Variants in TOP3A observed in about 807,000 individuals in gnomAD.
The protein encoded by TOP3A is DNA topoisomerase III alpha.
TOP3A carries 64 observed loss-of-function variants against 111.3 expected under a neutral mutation model. That is an observed-to-expected ratio of 0.57 (90% CI 0.47 to 0.71). The LOEUF (loss-of-function observed/expected upper bound fraction) is 0.71, where lower values mean the gene tolerates loss of function less well. Among genes scored for constraint, TOP3A ranks in the 30% least tolerant of loss-of-function variants. TOP3A has a pLI of 0.00. For synonymous variants in TOP3A, 484 were observed against 485.1 expected, an observed-to-expected ratio of 1.00 and a Z score of 0.03; for missense variants, 1,104 against 1,285.0, an observed-to-expected ratio of 0.86 and a Z score of 2.15.
chr17:18,294,315 ATTTC>A (rs1022973041), intron 10 of TOP3A, among the ~76,000 whole-genome samples: 1 of 151,784 alleles, frequency 6.6e-6, no homozygotes, highest in Non-Finnish European at 1.5e-5. Flanking sequence ...ATAAACTCTT[ATTTC>A]TTTATTTCTT....
chr17:18,282,793 G>C lies in TOP3A; in HGVS notation c.1926C>G (p.Ala642=), dbSNP rs760029820. 186 of 1,614,018 alleles carry C rather than the reference G, an allele frequency of 1.2e-4. No homozygotes were observed. Among genetic ancestry groups the C allele is most frequent in the Non-Finnish European group, 1.6e-4 (183 of 1,180,046 alleles). The part of the protein sequence containing the change: ...AQYFGNGTEL[A]QQEDIYPAMP... ...TGGCTGGGTAGATATCTTCTTGCTG[G>C]GCCAACTCTGTCCCATTCCCAAAGT... Residue 642 remains alanine, a synonymous_variant, in exon 16 of 19, where the codon GCC becomes GCG. Transcript: ENST00000321105.
intron 6 of TOP3A, 35 bp from the exon 7 acceptor site, chr17:18,302,469 T>C: frequency 6.3e-7 from 1 of 1,595,826 alleles, no homozygotes; most frequent in South Asian, 1.1e-5. Flanking sequence ...AAGGTGAAAA[T>C]GATGGATAAT....
chr17:18,307,061 A>C, intron 3 of TOP3A, 95 bp from the exon 4 acceptor site: 1 of 839,136 alleles, frequency 1.2e-6, no homozygotes, highest in Non-Finnish European at 1.9e-6. Context: ...TTCATGGTGT[A>C]TCCCCAAAAG....
At chr17:18,297,158 G>A (rs1188484543) in intron 9 of TOP3A, among the ~76,000 whole-genome samples, 2 of 152,326 alleles carry the variant, frequency 1.3e-5, no homozygotes, top group East Asian at 1.9e-4. Context: ...AGGCGCGGTG[G>A]CTCACGCCTC....
At chr17:18,305,949 C>T (rs532006685) in intron 4 of TOP3A, among the ~76,000 whole-genome samples, 26 of 150,700 alleles carry the variant, frequency 1.7e-4, no homozygotes, top group African/African-American at 5.8e-4. Flanking sequence ...CACCTGTAAT[C>T]CCAAAACTTT....
Position 18,278,199 on chromosome 17 carries a change from G to A in TOP3A, c.2303C>T (p.Ala768Val). The A allele has an allele frequency of 6.2e-7, 1 of 1,606,386 alleles. No individual in the cohort carries two copies. The highest frequency in any genetic ancestry group is 1.1e-5 in the South Asian group (1 of 90,872). Reference sequence around the variant, plus strand: ...GTCCATCCTGTTCAGGGACTGGTTAGCCTGCAGGCGGCCAGAGGGCTGGCT... The same window carrying A: ...GTCCATCCTGTTCAGGGACTGGTTAACCTGCAGGCGGCCAGAGGGCTGGCT... ...RASQPSGRLQANQSLNRMDNS... is the reference protein window; with the variant it reads ...RASQPSGRLQVNQSLNRMDNS... The change falls in exon 18 of 19, where the codon GCT becomes GTT. Residue 768 changes from alanine to valine, a missense_variant. By Grantham distance (64) the Ala-to-Val change is moderately conservative (BLOSUM62 0). Coordinates refer to ENST00000321105, the MANE Select transcript of TOP3A (RefSeq NM_004618.5).
chr17:18,295,765 T>G (rs1980760760), intron 9 of TOP3A, among the ~76,000 whole-genome samples: 1 of 144,856 alleles, frequency 6.9e-6, no homozygotes, highest in South Asian at 2.2e-4. Flanking sequence ...GGCCCAGAAA[T>G]CTACATTTTT....
At chr17:18,307,000 G>A (rs1981619890) in intron 3 of TOP3A, 34 bp from the exon 4 acceptor site, 2 of 1,495,694 alleles carry the variant, frequency 1.3e-6, no homozygotes, top group South Asian at 2.3e-5. Context: ...TCCCAACTCA[G>A]TACATGACAG....
rs140640422 is a variant in TOP3A at position 18,278,366 on chromosome 17, G to A, written c.2145-9C>T. On this transcript the variant is annotated splice_polypyrimidine_tract_variant and intron_variant, in intron 17 of 18. Coordinates refer to ENST00000321105, the MANE Select transcript of TOP3A (RefSeq NM_004618.5). ...TAAACTTTAACTTTAACCTAGTGAG[G>A]CCAGAAGATGAGAAAAAACATTAAC... is the stretch of plus-strand genomic sequence containing the variant. 9.9e-5 allele frequency: 149 copies of A among 1,507,918 alleles called. 1 individual carries two copies. The East Asian group carries it at 3.4e-3, about 34-fold the overall frequency. 93.4% of individuals were successfully genotyped at this position (1,507,918 alleles called of 1,614,324 possible).
intron 13 of TOP3A, among the ~76,000 whole-genome samples, chr17:18,289,078 T>C (rs1980304624): frequency 6.6e-6 from 1 of 152,216 alleles, no homozygotes; most frequent in Non-Finnish European, 1.5e-5. Flanking sequence ...AGTGCTGCGA[T>C]CCTGGCTCAC....
At position 18,275,644 on chromosome 17, in the gene TOP3A, G is replaced by A. The variant is rs566075178; in HGVS notation, c.2828-664C>T. On this transcript the variant is annotated intron_variant, in intron 18 of 18. Coordinates refer to ENST00000321105, the MANE Select transcript of TOP3A (RefSeq NM_004618.5). Reference sequence around the variant, plus strand: ...CCCGAAGTGCTGGGATTACAGGCGTGAGCCACCGTGCCCGGCCTTTTTTTT... The same window carrying A: ...CCCGAAGTGCTGGGATTACAGGCGTAAGCCACCGTGCCCGGCCTTTTTTTT... Among the ~76,000 whole-genome samples the A allele has an allele frequency of 8.0e-5, 12 of 150,040 alleles. No individual in the cohort carries two copies. The East Asian group carries it at 1.6e-3, about 20-fold the overall frequency.
chr17:18,310,352 G>C (rs539817963), intron 1 of TOP3A, among the ~76,000 whole-genome samples: 1 of 152,138 alleles, frequency 6.6e-6, no homozygotes, highest in Non-Finnish European at 1.5e-5. Flanking sequence ...CTTGAACCTG[G>C]GAGGCGGTGG....
chr17:18,283,321 A>G (rs1260063409), intron 15 of TOP3A, among the ~76,000 whole-genome samples: 1 of 151,926 alleles, frequency 6.6e-6, no homozygotes, highest in Non-Finnish European at 1.5e-5. Flanking sequence ...GTGAGCCAAG[A>G]TCACGCCATT....
Position 18,274,248 on chromosome 17 carries a change from T to C in TOP3A, c.*554A>G, listed in dbSNP as rs1979185604. The C allele has an allele frequency of 6.6e-6, 1 of 152,368 alleles. No homozygotes were observed. Among genetic ancestry groups the C allele is most frequent in the Non-Finnish European group, 1.5e-5 (1 of 68,162 alleles). 9.4% of individuals were successfully genotyped at this position (152,368 alleles called of 1,614,324 possible). On this transcript the variant is annotated 3_prime_UTR_variant, in exon 19 of 19. Transcript: ENST00000321105. ...CACTGCACCCGGCCTGGGTTCTTTA[T>C]TAAAGCAATGAATTCTGGATGTCCT...
chr17:18,312,442 T>A (rs936334677), intron 1 of TOP3A: 8 of 154,490 alleles, frequency 5.2e-5, no homozygotes, highest in African/African-American at 1.9e-4. Flanking sequence ...AAGACTGTGG[T>A]GTCAAATTCC....
In TOP3A at chr17:18,273,267, A is replaced by C. The variant is rs921569562; in HGVS notation, c.*1535T>G. 9 of 152,224 alleles carry C rather than the reference A, an allele frequency of 5.9e-5. No homozygotes were observed. Among genetic ancestry groups the C allele is most frequent in the African/African-American group, 2.2e-4 (9 of 41,442 alleles). The allele number at this position is 152,224 out of a possible 1,614,324, so 9.4% of individuals were successfully genotyped here. On this transcript the variant is annotated 3_prime_UTR_variant, in exon 19 of 19. Coordinates refer to ENST00000321105, the MANE Select transcript of TOP3A (RefSeq NM_004618.5). ...ACCTCTGCTCATCTTCTAAACTGTA[A>C]ATCAGAGTCCATATGGCTTGTATTA...
In TOP3A at chr17:18,301,929, A is replaced by G; in HGVS notation, c.871T>C (p.Phe291Leu). The change falls in exon 8 of 19, where the codon TTT (phenylalanine) becomes CTT (leucine). Residue 291 changes from phenylalanine to leucine, a missense_variant. Phe to Leu is a conservative substitution (Grantham distance 22, BLOSUM62 0). Transcript: ENST00000321105. ...VEFNWKRHRL[F>L]NHTACLVLYQ... ...AGAACTAGGCAAGCCGTGTGGTTAA[A>G]GAGTCGATGCCTTTTCCAGTTGAAT... is the stretch of plus-strand genomic sequence containing the variant. 1 of 1,614,250 alleles carries G rather than the reference A, an allele frequency of 6.2e-7. No individual in the cohort carries two copies. Among genetic ancestry groups the G allele is most frequent in the Non-Finnish European group, 8.5e-7 (1 of 1,180,042 alleles).
In TOP3A at chr17:18,292,652, T is replaced by C. The variant is rs747842421; in HGVS notation, c.1274A>G (p.Asn425Ser). 8.9e-6 allele frequency: 14 copies of C among 1,565,936 alleles called. No individual in the cohort carries two copies. In the South Asian group the frequency reaches 1.5e-4, roughly 17 times the overall value. The change falls in exon 11 of 19, where the codon AAC becomes AGC. Residue 425 changes from asparagine to serine, a missense_variant. By Grantham distance (46) the Asn-to-Ser change is conservative (BLOSUM62 1). Coordinates refer to ENST00000321105, the MANE Select transcript of TOP3A (RefSeq NM_004618.5). ...PPIHPTKYTN[N>S]LQGDEQRLYE... ...ACATTCAGGGAAACCAACCTGTAAG[T>C]TGTTGGTGTATTTGGTGGGGTGAAT...
Position 18,274,994 on chromosome 17 carries a change from CAG to C in TOP3A, c.2828-16_2828-15del, listed in dbSNP as rs1297530338. On this transcript the variant is annotated splice_polypyrimidine_tract_variant and intron_variant, in intron 18 of 18. Transcript: ENST00000321105. ...CTCCAGAAGTCCCTGTCGGGAGAGT[CAG>C]GGGAGGGGTGAGGTTAGAACTGACA... is the stretch of plus-strand genomic sequence containing the variant. 1.2e-6 allele frequency: 2 copies of C among 1,611,816 alleles called. No homozygotes were observed. The highest frequency in any genetic ancestry group is 1.1e-5 in the South Asian group (1 of 90,980).
Sources: allele counts gnomAD v4.1 joint callset (sites outside exome capture counted in the v4.1 genomes callset), GRCh38; gene constraint gnomAD v4.1.1; transcripts MANE v1.5; gene names NCBI Gene and HGNC (gene_info 2026-07-23, HGNC 2026-07-21).